The following PUM1 variants were observed in gnomAD, a reference collection of about 807,000 sequenced individuals.
PUM1 encodes the protein pumilio RNA binding family member 1.
In PUM1, 13 loss-of-function variants were observed where a neutral mutation model predicts 131.8. The ratio of observed to expected loss-of-function variants is 0.10; its 90% CI spans 0.06 to 0.16. The LOEUF (loss-of-function observed/expected upper bound fraction) is 0.16, where lower values mean the gene tolerates loss of function less well. Ranked by LOEUF, PUM1 falls within the 10% of genes least tolerant of loss-of-function variation. The pLI, the probability that PUM1 is intolerant of heterozygous loss-of-function variation, is 1.00. For synonymous variants in PUM1, 509 were observed against 556.5 expected, an observed-to-expected ratio of 0.91 and a Z score of 1.20; for missense variants, 961 against 1,512.4, an observed-to-expected ratio of 0.64 and a Z score of 6.05.
At chr1:30,957,084 T>TCACACACACACACACACA (rs1300737379) in intron 14 of PUM1, among the ~76,000 whole-genome samples, 1 of 50,608 alleles carries the variant, frequency 2.0e-5, no homozygotes, top group Non-Finnish European at 3.7e-5. Flanking sequence ...ACAAGGACAT[T>TCACACACACACACACACA]CATACACACA....
At chr1:31,050,451 G>C (rs1644081026) in intron 2 of PUM1, among the ~76,000 whole-genome samples, 1 of 150,948 alleles carries the variant, frequency 6.6e-6, no homozygotes, top group Admixed American at 6.7e-5. Flanking sequence ...GCCAGTGGGT[G>C]ACAAAGTGAG....
At chr1:30,967,120 C>T (rs374715289) in intron 12 of PUM1, 47 bp downstream of exon 12, 3 of 1,602,592 alleles carry the variant, frequency 1.9e-6, no homozygotes, top group South Asian at 1.1e-5. Flanking sequence ...CACTATCAGT[C>T]GCCACTTTTA....
intron 3 of PUM1, among the ~76,000 whole-genome samples, chr1:31,015,353 T>TTTTTC (rs1557586819): frequency 4.0e-5 from 6 of 151,880 alleles, no homozygotes; most frequent in African/African-American, 1.5e-4. Flanking sequence ...TTTTCTTTTT[T>TTTTTC]TTTTTTGAGA....
At chr1:31,022,846 G>A (rs1337707546) in intron 3 of PUM1, among the ~76,000 whole-genome samples, 1 of 152,100 alleles carries the variant, frequency 6.6e-6, no homozygotes, top group Non-Finnish European at 1.5e-5. Flanking sequence ...AGGGAACTAG[G>A]GTGTTTTTAC....
At chr1:31,060,424 G>T (rs897756040) in intron 1 of PUM1, among the ~76,000 whole-genome samples, 2 of 151,976 alleles carry the variant, frequency 1.3e-5, no homozygotes, top group Non-Finnish European at 2.9e-5. Flanking sequence ...TCATGCCACT[G>T]TACTCCAACC....
Position 30,933,209 on chromosome 1 carries a change from C to T in PUM1, c.*2G>A. 1.2e-6 allele frequency: 2 copies of T among 1,609,772 alleles called. No individual in the cohort carries two copies. The highest frequency in any genetic ancestry group is 1.3e-5 in the African/African-American group (1 of 74,758). Reference sequence around the variant, plus strand: ...AATGAGGGAACAGCGGGTGACACTGCCTCAGATGATACCATTAGGGGGGCC... The same window carrying T: ...AATGAGGGAACAGCGGGTGACACTGTCTCAGATGATACCATTAGGGGGGCC... On this transcript the variant is annotated 3_prime_UTR_variant, in exon 22 of 22. Transcript: ENST00000426105.
At chr1:30,969,499 C>T (rs1640785230) in intron 10 of PUM1, among the ~76,000 whole-genome samples, 1 of 152,126 alleles carries the variant, frequency 6.6e-6, no homozygotes, top group Non-Finnish European at 1.5e-5. Flanking sequence ...GTCCACATGG[C>T]CCCAAATGAG....
At chr1:31,060,454 C>T (rs1644343011) in intron 1 of PUM1, among the ~76,000 whole-genome samples, 1 of 151,834 alleles carries the variant, frequency 6.6e-6, no homozygotes, top group East Asian at 2.0e-4. Context: ...GAGCGAGACT[C>T]TCTCTCAAAA....
intron 14 of PUM1, among the ~76,000 whole-genome samples, chr1:30,963,172 C>T (rs912507702): frequency 2.6e-5 from 4 of 152,184 alleles, no homozygotes; most frequent in African/African-American, 9.6e-5. Context: ...GGACCCAAAA[C>T]CATTAACACC....
chr1:30,936,548 T>G, intron 21 of PUM1, 95 bp downstream of exon 21: 1 of 1,230,686 alleles, frequency 8.1e-7, no homozygotes, highest in South Asian at 1.5e-5. Context: ...TGACAAACTC[T>G]TCAAAAACAG....
At chr1:30,979,524 C>T (rs374343781) in intron 9 of PUM1, among the ~76,000 whole-genome samples, 6 of 152,008 alleles carry the variant, frequency 3.9e-5, no homozygotes, top group African/African-American at 1.5e-4. Context: ...ACCACCCCCA[C>T]CCCGACTCCA....
chr1:31,007,195 T>C (rs566154724), intron 3 of PUM1, 93 bp from the exon 4 acceptor site: 1 of 876,558 alleles, frequency 1.1e-6, no homozygotes, highest in South Asian at 1.5e-5. Context: ...GTACTGAAGA[T>C]GCTCACGTGC....
chr1:30,963,803 C>A (rs1320551429), intron 14 of PUM1, among the ~76,000 whole-genome samples: 1 of 152,166 alleles, frequency 6.6e-6, no homozygotes, highest in African/African-American at 2.4e-5. Context: ...ATTCATAGCA[C>A]CCCCTTCCAC....
intron 7 of PUM1, among the ~76,000 whole-genome samples, chr1:30,990,647 G>A (rs937846116): frequency 6.6e-6 from 1 of 151,730 alleles, no homozygotes; most frequent in Admixed American, 6.6e-5. Context: ...GTGGTTCCCA[G>A]GTATGCTATT....
intron 2 of PUM1, among the ~76,000 whole-genome samples, chr1:31,053,636 G>T (rs965903381): frequency 4.0e-5 from 6 of 151,622 alleles, no homozygotes; most frequent in African/African-American, 1.5e-4. Flanking sequence ...ACCATGCCTG[G>T]CTAATTTCTG....
At chr1:30,964,549 G>A in intron 14 of PUM1, 125 bp downstream of exon 14, 1 of 811,552 alleles carries the variant, frequency 1.2e-6, no homozygotes, top group Non-Finnish European at 2.1e-6. Context: ...TTTACGGAAG[G>A]CACAGAACAC....
chr1:31,050,160 G>GT (rs1336881271), intron 2 of PUM1, among the ~76,000 whole-genome samples: 1 of 152,108 alleles, frequency 6.6e-6, no homozygotes, highest in Admixed American at 6.6e-5. Context: ...CTGGAACAAG[G>GT]TAATTCTTAA....
In PUM1 at chr1:31,011,965, T is replaced by C. The variant is rs118164919; in HGVS notation, c.433-4863A>G. Among the ~76,000 whole-genome samples the C allele has an allele frequency of 1.4e-3, 206 of 152,316 alleles. 2 individuals carry two copies. In the East Asian group the frequency reaches 0.039, roughly 29 times the overall value. ...CCAAGGAATCAGATGTAGCCAGTAT[T>C]ATCCAGGTGACACATTTAAGGGCAG... On this transcript the variant is annotated intron_variant, in intron 3 of 21. Coordinates refer to ENST00000426105, the MANE Select transcript of PUM1 (RefSeq NM_001020658.2).
intron 2 of PUM1, 42 bp downstream of exon 2, chr1:31,059,162 T>A: frequency 6.6e-7 from 1 of 1,521,944 alleles, no homozygotes; most frequent in Non-Finnish European, 8.8e-7. Context: ...GGACAGTGAT[T>A]ATAAAGGAAT....
Sources: allele counts gnomAD v4.1 joint callset (sites outside exome capture counted in the v4.1 genomes callset), GRCh38; gene constraint gnomAD v4.1.1; transcripts MANE v1.5; gene names NCBI Gene and HGNC (gene_info 2026-07-23, HGNC 2026-07-21).